PCDHGA8: variants seen among roughly 807,000 people sequenced by gnomAD.
The protein encoded by PCDHGA8 is protocadherin gamma-A8.
PCDHGA8 carries 45 observed loss-of-function variants against 59.2 expected under a neutral mutation model. The observed-to-expected ratio is 0.76, with a 90% CI of 0.60 to 0.98. The LOEUF (loss-of-function observed/expected upper bound fraction) is 0.98, where lower values mean the gene tolerates loss of function less well. Among genes scored for constraint, PCDHGA8 ranks in the 50% least tolerant of loss-of-function variants. PCDHGA8 has a pLI of 0.00. For synonymous variants in PCDHGA8, 531 were observed against 519.0 expected, an observed-to-expected ratio of 1.02 and a Z score of -0.32; for missense variants, 1,257 against 1,196.2, an observed-to-expected ratio of 1.05 and a Z score of -0.75.
chr5:141,433,236 C>G, intron 1 of PCDHGA8: 2 of 1,501,160 alleles, frequency 1.3e-6, no homozygotes, highest in South Asian at 1.3e-5. Flanking sequence ...CTCTGTCTCC[C>G]AAGCTGGAAT....
chr5:141,422,398 C>T lies in PCDHGA8; in HGVS notation c.2424+27161C>T, dbSNP rs2096646163. On this transcript the variant is annotated intron_variant, in intron 1 of 3. Transcript: ENST00000398604. Reference sequence around the variant, plus strand: ...AGTCTCCTGTTTTATTCCTAACCACCTGCCTTTTAAATTAGAAAAGACTTA... The same window carrying T: ...AGTCTCCTGTTTTATTCCTAACCACTTGCCTTTTAAATTAGAAAAGACTTA... The T allele has an allele frequency of 1.9e-6, 3 of 1,597,634 alleles. No individual in the cohort carries two copies. In the Admixed American group the frequency reaches 5.3e-5, roughly 28 times the overall value.
Position 141,490,004 on chromosome 5 carries a change from C to T in PCDHGA8, c.2425-4803C>T. On this transcript the variant is annotated intron_variant, in intron 1 of 3. Coordinates refer to ENST00000398604, the MANE Select transcript of PCDHGA8 (RefSeq NM_032088.2). This position sits in a 1 kb window ranked among gnomAD's most constrained non-coding sequence, Gnocchi z 5.4. ...CTACGTGTGGGAATCCCAGAGAATG[C>T]ACCCATTGGTACTCTGCTGCTCCGC... The T allele has an allele frequency of 1.9e-6, 3 of 1,614,174 alleles. No individual in the cohort carries two copies. Among genetic ancestry groups the T allele is most frequent in the Non-Finnish European group, 2.5e-6 (3 of 1,179,980 alleles).
In PCDHGA8 at chr5:141,482,160, T is replaced by C. The variant is rs577572891; in HGVS notation, c.2425-12647T>C. Reference sequence around the variant, plus strand: ...GCATAAAAAGGTCAAGTCAAAGATATGTAAGATTAAGGCTTTACGATGCTC... The same window carrying C: ...GCATAAAAAGGTCAAGTCAAAGATACGTAAGATTAAGGCTTTACGATGCTC... On this transcript the variant is annotated intron_variant, in intron 1 of 3. Coordinates refer to ENST00000398604, the MANE Select transcript of PCDHGA8 (RefSeq NM_032088.2). 1.6e-4 allele frequency among the ~76,000 whole-genome samples: 25 copies of C among 151,966 alleles called. No homozygotes were observed. In the South Asian group the frequency reaches 4.0e-3, roughly 24 times the overall value.
At chr5:141,400,766 C>T in intron 1 of PCDHGA8, 1 of 577,074 alleles carries the variant, frequency 1.7e-6, no homozygotes, top group South Asian at 2.3e-5. Context: ...CTAGCAAAAA[C>T]ATTTGGTGCG....
chr5:141,511,733 T>C lies in PCDHGA8; in HGVS notation c.*560T>C, dbSNP rs1032711521. 9 of 177,040 alleles carry C rather than the reference T, an allele frequency of 5.1e-5. No individual in the cohort carries two copies. The highest frequency in any genetic ancestry group is 8.7e-5 in the Non-Finnish European group (7 of 80,868). The allele number at this position is 177,040 out of a possible 1,614,324, so 11.0% of individuals were successfully genotyped here. ...TCCTTCCAGAGCCCAAGATCAATGC[T>C]CAAGTTTTGGAGGACATGATCACCA... On this transcript the variant is annotated 3_prime_UTR_variant, in exon 4 of 4. Transcript: ENST00000398604.
chr5:141,394,923 T>G lies in PCDHGA8; in HGVS notation c.2110T>G (p.Phe704Val). The G allele has an allele frequency of 1.2e-6, 2 of 1,613,816 alleles. No homozygotes were observed. Among genetic ancestry groups the G allele is most frequent in the Non-Finnish European group, 8.5e-7 (1 of 1,179,888 alleles). ...GGCAGTGGCTGCCATCTCCTGTGTC[T>G]TCCTCGCCTTTGTCGCTGTGCTTCT... is the stretch of plus-strand genomic sequence containing the variant. Reference protein sequence around the residue: ...VVAVAAISCVFLAFVAVLLGL... With the variant: ...VVAVAAISCVVLAFVAVLLGL... Residue 704 changes from phenylalanine to valine, a missense_variant, in exon 1 of 4, where the codon TTC becomes GTC. Physicochemically the swap from Phe to Val is conservative, Grantham distance 50. Coordinates refer to ENST00000398604, the MANE Select transcript of PCDHGA8 (RefSeq NM_032088.2).
intron 1 of PCDHGA8, chr5:141,415,066 C>G: frequency 6.2e-7 from 1 of 1,613,410 alleles, no homozygotes; most frequent in Non-Finnish European, 8.5e-7. Context: ...GGGCGAGGTG[C>G]GCACGGCGCG....
In PCDHGA8 at chr5:141,403,718, C is replaced by T. The variant is rs77227638; in HGVS notation, c.2424+8481C>T. 9.8e-3 allele frequency: 15,884 copies of T among 1,613,838 alleles called. 137 individuals carry two copies. The highest frequency in any genetic ancestry group is 0.011 in the Non-Finnish European group (12,686 of 1,179,868). ...CCGAGTTAAAGTCCTTGAGAACGTG[C>T]CCCCAGGCACCTGGCTGCTTACTGC... On this transcript the variant is annotated intron_variant, in intron 1 of 3. Coordinates refer to ENST00000398604, the MANE Select transcript of PCDHGA8 (RefSeq NM_032088.2).
intron 1 of PCDHGA8, among the ~76,000 whole-genome samples, chr5:141,470,142 A>G (rs1308458765): frequency 6.6e-6 from 1 of 152,044 alleles, no homozygotes; most frequent in Non-Finnish European, 1.5e-5. Context: ...AAAAAAGATC[A>G]TAGATCATCT....
intron 1 of PCDHGA8, chr5:141,404,332 C>T (rs1257075931): frequency 6.2e-7 from 1 of 1,613,916 alleles, no homozygotes; most frequent in East Asian, 2.2e-5. Context: ...ACTCAGTCTA[C>T]CTCCCGGAAA....
At chr5:141,498,372 C>A (rs1008996197) in intron 2 of PCDHGA8, among the ~76,000 whole-genome samples, 3 of 151,730 alleles carry the variant, frequency 2.0e-5, no homozygotes, top group Admixed American at 1.3e-4. Flanking sequence ...GTGGTGAGGC[C>A]TCCTGGGATC....
In PCDHGA8 at chr5:141,476,335, C is replaced by A; in HGVS notation, c.2425-18472C>A. On this transcript the variant is annotated intron_variant, in intron 1 of 3. Coordinates refer to ENST00000398604, the MANE Select transcript of PCDHGA8 (RefSeq NM_032088.2). The surrounding 1 kb of genome is among the most constrained non-coding windows in gnomAD (Gnocchi z 7.6). Reference sequence around the variant, plus strand: ...GGTTCCGGGTGGTGTCTGGAGCTAGCCGAAGATTCTTTGAGGTGAACCGGG... The same window carrying A: ...GGTTCCGGGTGGTGTCTGGAGCTAGACGAAGATTCTTTGAGGTGAACCGGG... 2 of 1,614,120 alleles carry A rather than the reference C, an allele frequency of 1.2e-6. No individual in the cohort carries two copies. Among genetic ancestry groups the A allele is most frequent in the Non-Finnish European group, 1.7e-6 (2 of 1,180,026 alleles).
chr5:141,443,136 C>T (rs910953831), intron 1 of PCDHGA8, among the ~76,000 whole-genome samples: 1 of 152,160 alleles, frequency 6.6e-6, no homozygotes, highest in African/African-American at 2.4e-5. Context: ...AGAACACTAT[C>T]ATAAGTTATA....
At chr5:141,449,380 G>C (rs1011160817) in intron 1 of PCDHGA8, among the ~76,000 whole-genome samples, 3 of 151,950 alleles carry the variant, frequency 2.0e-5, no homozygotes, top group African/African-American at 7.3e-5. Flanking sequence ...GCTGAGGCAG[G>C]TGGATTACTT....
In PCDHGA8 at chr5:141,394,900, C is replaced by T. The variant is rs959646500; in HGVS notation, c.2087C>T (p.Ala696Val). Residue 696 changes from alanine (A) to valine (V), a missense_variant, in exon 1 of 4, where the codon GCA (alanine) becomes GTA (valine). Physicochemically the swap from Ala to Val is moderately conservative, Grantham distance 64. Transcript: ENST00000398604. ...DSSLTLYLVV[A>V]VAAISCVFLA... ...AGCCTTACACTCTATCTCGTGGTGG[C>T]AGTGGCTGCCATCTCCTGTGTCTTC... 6 of 1,613,748 alleles carry T rather than the reference C, an allele frequency of 3.7e-6. No homozygotes were observed. Among genetic ancestry groups the T allele is most frequent in the Non-Finnish European group, 3.4e-6 (4 of 1,179,870 alleles).
At chr5:141,503,309 A>G (rs2099819130) in intron 2 of PCDHGA8, among the ~76,000 whole-genome samples, 1 of 152,034 alleles carries the variant, frequency 6.6e-6, no homozygotes, top group Non-Finnish European at 1.5e-5. Flanking sequence ...TCAAGAAAGA[A>G]TTGTTGGAGG....
At chr5:141,436,071 A>G (rs1419598304) in intron 1 of PCDHGA8, among the ~76,000 whole-genome samples, 1 of 152,222 alleles carries the variant, frequency 6.6e-6, no homozygotes. Context: ...TAATAAGTAC[A>G]GTGTTCTATA....
intron 1 of PCDHGA8, among the ~76,000 whole-genome samples, chr5:141,453,049 G>C (rs1287375098): frequency 1.3e-5 from 2 of 152,222 alleles, no homozygotes; most frequent in East Asian, 3.9e-4. Context: ...TCTATTATGT[G>C]CAGTTTTAGA....
At chr5:141,398,207 C>T (rs1368284039) in intron 1 of PCDHGA8, 3 of 1,488,636 alleles carry the variant, frequency 2.0e-6, no homozygotes, top group South Asian at 2.6e-5. Flanking sequence ...TTGTTCTGCC[C>T]GGCGCTCTGT....
Sources: allele counts gnomAD v4.1 joint callset (sites outside exome capture counted in the v4.1 genomes callset), GRCh38; gene constraint gnomAD v4.1.1; non-coding constraint Gnocchi (gnomAD v3.1); transcripts MANE v1.5; gene names NCBI Gene and HGNC (gene_info 2026-07-23, HGNC 2026-07-21).